The following NCKAP5 variants were observed in gnomAD, a reference collection of about 807,000 sequenced individuals.
NCKAP5 encodes the protein NCK associated protein 5.
A neutral mutation model predicts 167.0 loss-of-function variants in NCKAP5; 92 were observed. The observed-to-expected ratio is 0.55, with a 90% CI of 0.47 to 0.66. NCKAP5 has a LOEUF of 0.66. NCKAP5 is among the 30% of genes least tolerant of loss of function. NCKAP5 has a pLI of 0.00. For synonymous variants in NCKAP5, 891 were observed against 877.4 expected (o/e 1.02, Z -0.27); for missense variants, 2,378 against 2,315.0 (o/e 1.03, Z -0.56).
chr2:133,420,106 A>G (rs1574923717), intron 3 of NCKAP5, among the ~76,000 whole-genome samples: 1 of 152,234 alleles, frequency 6.6e-6, no homozygotes, highest in South Asian at 2.1e-4. Flanking sequence ...GGGTAAGAGA[A>G]TCTATTAGTT....
At chr2:133,160,717 C>T (rs1215409207) in intron 5 of NCKAP5, among the ~76,000 whole-genome samples, 1 of 152,120 alleles carries the variant, frequency 6.6e-6, no homozygotes, top group Non-Finnish European at 1.5e-5. Context: ...GCACAATTTA[C>T]TCACCCTTCC....
intron 6 of NCKAP5, among the ~76,000 whole-genome samples, chr2:133,007,643 A>G (rs1367330991): frequency 6.6e-6 from 1 of 152,096 alleles, no homozygotes; most frequent in Non-Finnish European, 1.5e-5. Context: ...TTCCATGGGT[A>G]GGGGGTCTAT....
At chr2:133,531,685 G>A (rs909598473) in intron 2 of NCKAP5, among the ~76,000 whole-genome samples, 6 of 152,102 alleles carry the variant, frequency 3.9e-5, no homozygotes, top group Admixed American at 3.9e-4. Flanking sequence ...TTATCCATAA[G>A]AATGGGATTG....
chr2:133,122,349 A>G (rs932010882), intron 6 of NCKAP5: 1 of 152,224 alleles, frequency 6.6e-6, no homozygotes, highest in Non-Finnish European at 1.5e-5. Flanking sequence ...AGGAACAGTA[A>G]TGTATCAGAA....
At chr2:133,660,797 A>G in the NCKAP5 span, among the ~76,000 whole-genome samples, 31 of 152,142 alleles carry the variant, frequency 2.0e-4, no homozygotes, top group African/African-American at 7.2e-4. Context: ...GCAGCAGTCA[A>G]GTGTTTAATC....
At chr2:133,159,840 T>C (rs1027619825) in intron 5 of NCKAP5, among the ~76,000 whole-genome samples, 24 of 152,288 alleles carry the variant, frequency 1.6e-4, no homozygotes, top group Non-Finnish European at 3.2e-4. Context: ...ATGGCAAATA[T>C]AGTCCAATAG....
chr2:132,920,085 C>T (rs1241469640), intron 8 of NCKAP5, among the ~76,000 whole-genome samples: 1 of 152,146 alleles, frequency 6.6e-6, no homozygotes, highest in Non-Finnish European at 1.5e-5. Context: ...GCTGACTGGA[C>T]CACCAGGACC....
chr2:132,686,524 C>T (rs575310737), intron 19 of NCKAP5, among the ~76,000 whole-genome samples: 59 of 152,222 alleles, frequency 3.9e-4, no homozygotes, highest in African/African-American at 1.3e-3. Flanking sequence ...AGGGACTGAA[C>T]CTATTTATCT....
At chr2:133,157,663 G>T (rs982711057) in intron 5 of NCKAP5, among the ~76,000 whole-genome samples, 13 of 152,148 alleles carry the variant, frequency 8.5e-5, no homozygotes, top group African/African-American at 2.7e-4. Context: ...CAGCACTTTA[G>T]GTGCCTCAAA....
At chr2:132,773,786 TA>T (rs766038545) in intron 16 of NCKAP5, 29 bp downstream of exon 16, 2 of 1,536,108 alleles carry the variant, frequency 1.3e-6, no homozygotes, top group Non-Finnish European at 1.8e-6. Context: ...TAAGTCTCCA[TA>T]AAAGACATAT....
chr2:132,849,043 G>A (rs1452631553), intron 11 of NCKAP5, among the ~76,000 whole-genome samples: 1 of 152,186 alleles, frequency 6.6e-6, no homozygotes, highest in East Asian at 1.9e-4. Context: ...TAAAAGGGCA[G>A]TTATGATGCA....
intron 3 of NCKAP5, among the ~76,000 whole-genome samples, chr2:133,358,516 T>C (rs532795869): frequency 6.6e-6 from 1 of 152,296 alleles, no homozygotes; most frequent in East Asian, 1.9e-4. Flanking sequence ...ACTTCAAAAC[T>C]GCAGTGAGCT....
At chr2:132,703,993 T>C (rs1001572762) in intron 19 of NCKAP5, among the ~76,000 whole-genome samples, 20 of 152,154 alleles carry the variant, frequency 1.3e-4, no homozygotes, top group Admixed American at 1.0e-3. Flanking sequence ...TAGTCACATC[T>C]GAATGACCCC....
intron 4 of NCKAP5, among the ~76,000 whole-genome samples, chr2:133,266,966 G>GC (rs1311880292): frequency 2.6e-5 from 4 of 152,000 alleles, no homozygotes; most frequent in African/African-American, 4.8e-5. Flanking sequence ...CCTCCGCCGG[G>GC]CCCCCCCATC....
At chr2:133,438,883 T>A (rs913906992) in intron 3 of NCKAP5, among the ~76,000 whole-genome samples, 1 of 152,230 alleles carries the variant, frequency 6.6e-6, no homozygotes, top group African/African-American at 2.4e-5. Flanking sequence ...AATATTCACA[T>A]AAACTTAAAA....
At chr2:133,103,672 G>A (rs952652147) in intron 6 of NCKAP5, among the ~76,000 whole-genome samples, 5 of 152,144 alleles carry the variant, frequency 3.3e-5, no homozygotes, top group Admixed American at 6.5e-5. Context: ...CAGCTACTTG[G>A]GAGGCTGAGG....
chr2:132,728,744 G>A (rs891516213), intron 18 of NCKAP5, 72 bp downstream of exon 18: 2 of 1,560,070 alleles, frequency 1.3e-6, no homozygotes, highest in Non-Finnish European at 1.7e-6. Flanking sequence ...TCATAAAAGT[G>A]TTTTTAGGGT....
chr2:133,487,103 T>C (rs1269523493), intron 3 of NCKAP5, among the ~76,000 whole-genome samples: 1 of 152,128 alleles, frequency 6.6e-6, no homozygotes, highest in South Asian at 2.1e-4. Flanking sequence ...CAGCTGTTCA[T>C]AGCCCACATT....
intron 6 of NCKAP5, among the ~76,000 whole-genome samples, chr2:133,004,839 A>C (rs989126054): frequency 6.6e-6 from 1 of 151,918 alleles, no homozygotes; most frequent in Non-Finnish European, 1.5e-5. Flanking sequence ...TAAGAGAGAC[A>C]CTCCCAGAGC....
Sources: gnomAD v4.1 joint callset for allele counts (sites outside exome capture counted in the v4.1 genomes callset) on GRCh38, gnomAD v4.1.1 for gene constraint, MANE v1.5 for transcripts, NCBI Gene and HGNC (gene_info 2026-07-23, HGNC 2026-07-21) for gene names.